The following PAK1 variants were observed in gnomAD, a reference collection of about 807,000 sequenced individuals.
PAK1 encodes the protein serine/threonine-protein kinase PAK 1.
Under a neutral mutation model 67.4 loss-of-function variants are expected in PAK1, and 29 were observed. The ratio of observed to expected loss-of-function variants is 0.43; its 90% CI spans 0.32 to 0.59. The LOEUF (loss-of-function observed/expected upper bound fraction) is 0.59. PAK1 is among the 20% of genes least tolerant of loss of function. The pLI is 0.07. For missense variants in PAK1, 337 were observed against 670.7 expected (o/e 0.50, Z 5.50); for synonymous variants, 223 against 237.4 (o/e 0.94, Z 0.56).
chr11:77,502,714 C>T, the PAK1 span, among the ~76,000 whole-genome samples: 1 of 152,242 alleles, frequency 6.6e-6, no homozygotes, highest in South Asian at 2.1e-4. Context: ...GAGCTATGAA[C>T]TCGCCAGCAG....
intron 1 of PAK1, among the ~76,000 whole-genome samples, chr11:77,455,400 T>C (rs1407423089): frequency 6.6e-6 from 1 of 152,148 alleles, no homozygotes; most frequent in East Asian, 1.9e-4. Context: ...TAGAACTAAA[T>C]TGGATGATGG....
At chr11:77,342,313 G>C (rs1943728442) in intron 10 of PAK1, among the ~76,000 whole-genome samples, 1 of 151,996 alleles carries the variant, frequency 6.6e-6, no homozygotes, top group South Asian at 2.1e-4. Flanking sequence ...AAAAGTCTCT[G>C]GGAATACTGG....
chr11:77,529,861 T>A, the PAK1 span: 1 of 152,350 alleles, frequency 6.6e-6, no homozygotes, highest in African/African-American at 2.4e-5. Flanking sequence ...GCAAGGTTTA[T>A]AGGGAGAGGT....
At chr11:77,465,279 G>A (rs1216015515) in intron 1 of PAK1, among the ~76,000 whole-genome samples, 1 of 152,074 alleles carries the variant, frequency 6.6e-6, no homozygotes, top group East Asian at 1.9e-4. Flanking sequence ...CAGAAAATAT[G>A]AATTAAAGAT....
At chr11:77,407,445 T>C (rs955122794) in intron 1 of PAK1, among the ~76,000 whole-genome samples, 2 of 152,192 alleles carry the variant, frequency 1.3e-5, no homozygotes, top group Admixed American at 1.3e-4. Context: ...GTCTAGTAAA[T>C]CTTGGTGTCT....
rs567155344 is a variant in PAK1 at position 77,398,503 on chromosome 11, A to G, written c.-21-5962T>C. 3.9e-5 allele frequency among the ~76,000 whole-genome samples: 6 copies of G among 152,244 alleles called. No individual in the cohort carries two copies. The South Asian group carries it at 1.0e-3, about 26-fold the overall frequency. ...ACATGTTCCATCCATGTTGTTGCAA[A>G]TGACAGGATCTCATTCTTTTTTGTG... On this transcript the variant is annotated intron_variant, in intron 1 of 14. Coordinates refer to ENST00000356341, the MANE Select transcript of PAK1 (RefSeq NM_002576.5).
At chr11:77,395,479 T>A (rs982952835) in intron 1 of PAK1, among the ~76,000 whole-genome samples, 3 of 152,216 alleles carry the variant, frequency 2.0e-5, no homozygotes, top group Non-Finnish European at 2.9e-5. Flanking sequence ...CTTCACTATC[T>A]GACATCAACC....
intron 1 of PAK1, among the ~76,000 whole-genome samples, chr11:77,466,528 G>A (rs548387150): frequency 1.3e-5 from 2 of 152,102 alleles, no homozygotes; most frequent in South Asian, 2.1e-4. Flanking sequence ...GCGTGAACCC[G>A]GGAGGCAGAG....
intron 2 of PAK1, among the ~76,000 whole-genome samples, chr11:77,384,010 T>C (rs1950159038): frequency 6.6e-6 from 1 of 152,138 alleles, no homozygotes; most frequent in Non-Finnish European, 1.5e-5. Context: ...AGGACAATGG[T>C]GCATGCTCTG....
intron 5 of PAK1, among the ~76,000 whole-genome samples, chr11:77,367,011 TAAC>T (rs963368817): frequency 2.0e-5 from 3 of 152,296 alleles, no homozygotes; most frequent in Admixed American, 2.0e-4. Flanking sequence ...GATTTGGACA[TAAC>T]AAGAAATGAA....
At chr11:77,380,944 C>T (rs1949726013) in intron 2 of PAK1, among the ~76,000 whole-genome samples, 1 of 152,224 alleles carries the variant, frequency 6.6e-6, no homozygotes, top group Admixed American at 6.5e-5. Context: ...ACTTTCACAA[C>T]ACTTGTTACC....
chr11:77,495,986 A>G, the PAK1 span, among the ~76,000 whole-genome samples: 1 of 151,746 alleles, frequency 6.6e-6, no homozygotes, highest in African/African-American at 2.4e-5. Context: ...TTGCACAACA[A>G]TGTGCATGTA....
chr11:77,458,952 T>C (rs577351925), intron 1 of PAK1, among the ~76,000 whole-genome samples: 3 of 152,076 alleles, frequency 2.0e-5, no homozygotes, highest in Admixed American at 6.6e-5. Context: ...AAATCATAAA[T>C]GGGAGGATGA....
chr11:77,442,083 A>G (rs1318307781), intron 1 of PAK1, among the ~76,000 whole-genome samples: 1 of 152,208 alleles, frequency 6.6e-6, no homozygotes, highest in Non-Finnish European at 1.5e-5. Flanking sequence ...AATTCTCCTC[A>G]TATCCACCAT....
intron 1 of PAK1, among the ~76,000 whole-genome samples, chr11:77,429,295 A>G (rs947525299): frequency 1.3e-5 from 2 of 152,140 alleles, no homozygotes; most frequent in African/African-American, 4.8e-5. Flanking sequence ...GATGCTAGCA[A>G]TAGATTATTA....
chr11:77,438,938 C>A (rs1373674377), intron 1 of PAK1, among the ~76,000 whole-genome samples: 1 of 152,200 alleles, frequency 6.6e-6, no homozygotes, highest in Admixed American at 6.5e-5. Flanking sequence ...ATTTGAGGCT[C>A]TAGAACTGAG....
the PAK1 span, among the ~76,000 whole-genome samples, chr11:77,499,625 C>A: frequency 6.6e-6 from 1 of 152,186 alleles, no homozygotes; most frequent in Non-Finnish European, 1.5e-5. Context: ...GTAGGTACTG[C>A]CTCTTAAGTA....
the PAK1 span, among the ~76,000 whole-genome samples, chr11:77,514,352 G>A: frequency 6.6e-6 from 1 of 152,044 alleles, no homozygotes; most frequent in African/African-American, 2.4e-5. Flanking sequence ...AAAATTAGTC[G>A]GGTGTAGTGG....
intron 5 of PAK1, among the ~76,000 whole-genome samples, chr11:77,373,403 A>G (rs999180930): frequency 6.6e-5 from 10 of 151,772 alleles, no homozygotes; most frequent in African/African-American, 1.7e-4. Flanking sequence ...ATTTGACATC[A>G]CACTCAATAA....
Sources: gnomAD v4.1 joint callset for allele counts (sites outside exome capture counted in the v4.1 genomes callset) on GRCh38, gnomAD v4.1.1 for gene constraint, MANE v1.5 for transcripts, NCBI Gene and HGNC (gene_info 2026-07-23, HGNC 2026-07-21) for gene names.